The following RBFOX1 variants were observed in gnomAD, a reference collection of about 807,000 sequenced individuals.
The protein encoded by RBFOX1 is RNA binding protein fox-1 homolog 1.
A neutral mutation model predicts 57.7 loss-of-function variants in RBFOX1; 8 were observed. That is an observed-to-expected ratio of 0.14 (90% CI 0.08 to 0.25). RBFOX1 has a LOEUF of 0.25. Among genes scored for constraint, RBFOX1 ranks in the 10% least tolerant of loss-of-function variants. The probability of loss-of-function intolerance (pLI) is 1.00; values close to 1 mark genes in which losing one functional copy is unlikely to be tolerated. For missense variants in RBFOX1, 611 were observed against 548.5 expected (o/e 1.11, Z -1.14); for synonymous variants, 326 against 222.4 (o/e 1.47, Z -4.15).
chr16:5,807,671 G>A (rs1315918873), intron 3 of RBFOX1, among the ~76,000 whole-genome samples: 1 of 152,218 alleles, frequency 6.6e-6, no homozygotes, highest in Admixed American at 6.5e-5. Context: ...GGAAGTCCTG[G>A]CTTCTGAGAG....
At chr16:5,496,372 TA>T (rs753564679) in intron 2 of RBFOX1, among the ~76,000 whole-genome samples, 7 of 152,184 alleles carry the variant, frequency 4.6e-5, no homozygotes, top group Non-Finnish European at 8.8e-5. Context: ...TGTACCATAA[TA>T]AGCCTTTGCC....
At chr16:7,403,944 C>T (rs1002812497) in intron 4 of RBFOX1, among the ~76,000 whole-genome samples, 2 of 150,014 alleles carry the variant, frequency 1.3e-5, no homozygotes, top group South Asian at 2.1e-4. Flanking sequence ...TTAATTCATT[C>T]ATTTGTTAAT....
In RBFOX1 at chr16:5,688,198, C is replaced by T. The variant is rs1410789422; in HGVS notation, c.318+89237C>T. On this transcript the variant is annotated intron_variant, in intron 3 of 19. Coordinates refer to the RBFOX1 transcript ENST00000641259. ...CTTGGAAGGCTAAATTTAGATTACA[C>T]CTGAGTCACTTTGCTGCTAAGTAGA... 2.0e-5 allele frequency among the ~76,000 whole-genome samples: 3 copies of T among 152,152 alleles called. No homozygotes were observed. The East Asian group carries it at 5.8e-4, about 29-fold the overall frequency.
At position 5,284,281 on chromosome 16, in the gene RBFOX1, C is replaced by G. The variant is rs189123824; in HGVS notation, c.219+44176C>G. ...TATGTCTTTATCAGCAGTGTGAAAA[C>G]AGACTAATACACCCGTGTTCCTTTT... On this transcript the variant is annotated intron_variant, in intron 1 of 2. Coordinates refer to the RBFOX1 transcript ENST00000585867. Among the ~76,000 whole-genome samples the G allele has an allele frequency of 5.9e-5, 9 of 152,278 alleles. No homozygotes were observed. The East Asian group carries it at 1.5e-3, about 26-fold the overall frequency.
At chr16:7,077,133 T>C (rs2058433437) in intron 4 of RBFOX1, among the ~76,000 whole-genome samples, 2 of 152,170 alleles carry the variant, frequency 1.3e-5, no homozygotes, top group South Asian at 2.1e-4. Context: ...TCAAGGCCTG[T>C]GGAGTTTTAG....
At chr16:5,422,015 G>A (rs933552719) in intron 1 of RBFOX1, among the ~76,000 whole-genome samples, 2 of 152,104 alleles carry the variant, frequency 1.3e-5, no homozygotes, top group African/African-American at 4.8e-5. Context: ...CAAAGTGAAG[G>A]GTTTTCTTTA....
At chr16:6,082,347 A>ATTTTTT (rs71142677) in intron 1 of RBFOX1, among the ~76,000 whole-genome samples, 2,374 of 40,938 alleles carry the variant, frequency 0.058, 177 homozygotes, top group Non-Finnish European at 0.079. Context: ...CACCTGGCTA[A>ATTTTTT]TTTTTTTTTT....
intron 1 of RBFOX1, among the ~76,000 whole-genome samples, chr16:5,329,547 C>G (rs371061237): frequency 1.3e-5 from 2 of 152,150 alleles, no homozygotes; most frequent in African/African-American, 2.4e-5. Flanking sequence ...GACACAGACC[C>G]GAACCATATC....
rs1209261256 is a variant in RBFOX1, at chr16:6,643,477, C to G, written c.-63-11126C>G. Among the ~76,000 whole-genome samples the G allele has an allele frequency of 2.0e-5, 3 of 152,100 alleles. No homozygotes were observed. In the South Asian group the frequency reaches 6.2e-4, roughly 32 times the overall value. On this transcript the variant is annotated intron_variant, in intron 2 of 15. Coordinates refer to ENST00000550418, the MANE Select transcript of RBFOX1 (RefSeq NM_018723.4). ...TTGGAGGATTAAGTGAACACAGACT[C>G]TGAAGAATTCTGCTGAAAGGCAAGC...
intron 4 of RBFOX1, among the ~76,000 whole-genome samples, chr16:7,066,612 G>A (rs965515238): frequency 6.6e-6 from 1 of 152,160 alleles, no homozygotes; most frequent in Non-Finnish European, 1.5e-5. Context: ...AAAGCGGGGG[G>A]TGTTTTTGTT....
chr16:5,649,162 T>A (rs1223556756), intron 3 of RBFOX1, among the ~76,000 whole-genome samples: 2 of 152,094 alleles, frequency 1.3e-5, no homozygotes, highest in Non-Finnish European at 2.9e-5. Flanking sequence ...CACATATATA[T>A]GTACATATGT....
chr16:7,676,844 G>A lies in RBFOX1; in HGVS notation c.995+6G>A. ...GCCGCTGCCTACAGTGACAGGTAAG[G>A]GTCATCCTTCTTGTGCTTGACAACT... is the stretch of plus-strand genomic sequence containing the variant. On this transcript the variant is annotated splice_donor_region_variant and intron_variant, in intron 14 of 15. Coordinates refer to ENST00000550418, the MANE Select transcript of RBFOX1 (RefSeq NM_018723.4). 1 of 1,610,100 alleles carries A rather than the reference G, an allele frequency of 6.2e-7. No individual in the cohort carries two copies. Among genetic ancestry groups the A allele is most frequent in the South Asian group, 1.1e-5 (1 of 90,990 alleles).
rs143475655 is a variant in RBFOX1, at chr16:5,801,379, T to A, written c.319-65924T>A. On this transcript the variant is annotated intron_variant, in intron 3 of 19. Coordinates refer to the RBFOX1 transcript ENST00000641259. ...TTCAATTTGAGTTTCGGGGTAAAAT[T>A]GTCTGCATTAAAACAGCTGGAAAAC... 8.4e-4 allele frequency among the ~76,000 whole-genome samples: 127 copies of A among 151,816 alleles called. 1 individual carries two copies. Among genetic ancestry groups the A allele is most frequent in the African/African-American group, 2.9e-3 (121 of 41,384 alleles).
At chr16:7,173,226 C>T (rs1034813778) in intron 4 of RBFOX1, among the ~76,000 whole-genome samples, 5 of 152,160 alleles carry the variant, frequency 3.3e-5, no homozygotes, top group African/African-American at 1.2e-4. Context: ...TACTTTTCTC[C>T]TCCCCCTTTT....
At chr16:6,820,436 C>A (rs938900932) in intron 3 of RBFOX1, among the ~76,000 whole-genome samples, 5 of 152,048 alleles carry the variant, frequency 3.3e-5, no homozygotes, top group African/African-American at 1.2e-4. Flanking sequence ...GAGGAAAAAT[C>A]AGTTGAGGCC....
chr16:6,626,751 C>G (rs1364029037), intron 2 of RBFOX1, among the ~76,000 whole-genome samples: 2 of 151,430 alleles, frequency 1.3e-5, no homozygotes, highest in African/African-American at 4.9e-5. Context: ...CAGAGTGAGA[C>G]TCCATCTTAA....
intron 1 of RBFOX1, among the ~76,000 whole-genome samples, chr16:5,443,603 G>A (rs1029327294): frequency 2.0e-5 from 3 of 152,188 alleles, no homozygotes; most frequent in Admixed American, 6.5e-5. Flanking sequence ...GCCTCCCAAA[G>A]TAGTGGGATT....
At chr16:6,769,640 C>T (rs189425868) in intron 3 of RBFOX1, among the ~76,000 whole-genome samples, 1 of 152,214 alleles carries the variant, frequency 6.6e-6, no homozygotes, top group Non-Finnish European at 1.5e-5. Context: ...ACTGTTGGCT[C>T]TAATGTATAA....
At chr16:6,810,689 G>A (rs529325070) in intron 3 of RBFOX1, among the ~76,000 whole-genome samples, 40 of 152,208 alleles carry the variant, frequency 2.6e-4, no homozygotes, top group African/African-American at 9.6e-4. Context: ...CTCTGGAAAC[G>A]TACAATCACG....
Sources: gnomAD v4.1 joint callset for allele counts (sites outside exome capture counted in the v4.1 genomes callset) on GRCh38, gnomAD v4.1.1 for gene constraint, MANE v1.5 for transcripts, NCBI Gene and HGNC (gene_info 2026-07-23, HGNC 2026-07-21) for gene names.